GRIN2A: variants seen among roughly 807,000 people sequenced by gnomAD.
GRIN2A encodes glutamate ionotropic receptor NMDA type subunit 2A.
A neutral mutation model predicts 113.4 loss-of-function variants in GRIN2A; 22 were observed. The observed-to-expected ratio is 0.19, with a 90% CI of 0.14 to 0.28. GRIN2A has a LOEUF of 0.28. Ranked by LOEUF, GRIN2A falls within the 10% of genes least tolerant of loss-of-function variation. The pLI is 1.00. For missense variants in GRIN2A, 1,502 were observed against 1,887.0 expected (o/e 0.80, Z 3.78); for synonymous variants, 827 against 738.4 (o/e 1.12, Z -1.94).
intron 10 of GRIN2A, among the ~76,000 whole-genome samples, chr16:9,806,811 C>A (rs559753303): frequency 6.6e-6 from 1 of 151,802 alleles, no homozygotes; most frequent in Admixed American, 6.6e-5. Flanking sequence ...AAGAAGGTAA[C>A]GGGGAAGGAG....
chr16:9,988,688 T>G (rs1020571206), intron 2 of GRIN2A, among the ~76,000 whole-genome samples: 6 of 152,192 alleles, frequency 3.9e-5, no homozygotes, highest in African/African-American at 1.4e-4. Context: ...AAGCCATTAT[T>G]ATCTCCATTA....
At position 10,058,059 on chromosome 16, in the gene GRIN2A, A is replaced by T. The variant is rs143663883; in HGVS notation, c.415-119508T>A. On this transcript the variant is annotated intron_variant, in intron 2 of 12. Coordinates refer to ENST00000330684, the MANE Select transcript of GRIN2A (RefSeq NM_001134407.3). ...CACTCGAGGTCAGGAGTTTGAGACA[A>T]GCCTGACCAACGTGTTGAAACCCTG... is the stretch of plus-strand genomic sequence containing the variant. Among the ~76,000 whole-genome samples, 1,342 of 152,284 alleles carry T rather than the reference A, an allele frequency of 8.8e-3. 25 individuals are homozygous for T. Among genetic ancestry groups the T allele is most frequent in the African/African-American group, 0.031 (1,275 of 41,552 alleles).
At chr16:9,844,919 A>G (rs2042745155) in intron 5 of GRIN2A, among the ~76,000 whole-genome samples, 1 of 152,162 alleles carries the variant, frequency 6.6e-6, no homozygotes, top group African/African-American at 2.4e-5. Flanking sequence ...GTTACCTGGT[A>G]TTCTTAGAAG....
chr16:10,176,142 A>C (rs868753355), intron 2 of GRIN2A, among the ~76,000 whole-genome samples: 7 of 151,044 alleles, frequency 4.6e-5, no homozygotes, highest in African/African-American at 1.7e-4. Context: ...AGTAGCTGGG[A>C]TTACAGGGGC....
rs144476986 is a variant in GRIN2A at position 10,046,833 on chromosome 16, C to T, written c.415-108282G>A. Among the ~76,000 whole-genome samples the T allele has an allele frequency of 1.0e-3, 158 of 152,326 alleles. 2 individuals carry two copies. Among genetic ancestry groups the T allele is most frequent in the African/African-American group, 3.6e-3 (151 of 41,576 alleles). On this transcript the variant is annotated intron_variant, in intron 2 of 12. Coordinates refer to ENST00000330684, the MANE Select transcript of GRIN2A (RefSeq NM_001134407.3). ...CTACCACCCCCTTCAGAGGGTGGCA[C>T]GTCTACATATTCACCACCCAACACT...
At chr16:9,784,468 A>AAAAAAAC (rs779509245) in intron 11 of GRIN2A, among the ~76,000 whole-genome samples, 1 of 149,904 alleles carries the variant, frequency 6.7e-6, no homozygotes, top group African/African-American at 2.5e-5. Context: ...CAAACAAAAA[A>AAAAAAAC]CCTAAAACCA....
At chr16:9,901,708 C>G (rs995712214) in intron 3 of GRIN2A, among the ~76,000 whole-genome samples, 2 of 152,154 alleles carry the variant, frequency 1.3e-5, no homozygotes, top group Non-Finnish European at 2.9e-5. Context: ...GCCTCGGCCT[C>G]CCAAAGTGCT....
chr16:9,835,073 G>A (rs957349089), intron 7 of GRIN2A, among the ~76,000 whole-genome samples: 1 of 152,152 alleles, frequency 6.6e-6, no homozygotes. Context: ...AAAATCATGG[G>A]TGACAGAAAT....
chr16:9,802,592 A>ATAT (rs1177940098), intron 10 of GRIN2A, among the ~76,000 whole-genome samples: 7 of 151,762 alleles, frequency 4.6e-5, no homozygotes, highest in Admixed American at 3.9e-4. Context: ...CAGTAGCAAG[A>ATAT]TATTATTATT....
At chr16:9,854,983 C>T (rs1313592035) in intron 4 of GRIN2A, among the ~76,000 whole-genome samples, 1 of 140,158 alleles carries the variant, frequency 7.1e-6, no homozygotes, top group South Asian at 2.4e-4. Context: ...CCAGGACAGG[C>T]AAGCACGCTT....
chr16:9,960,778 C>T (rs1373483930), intron 2 of GRIN2A, among the ~76,000 whole-genome samples: 1 of 152,166 alleles, frequency 6.6e-6, no homozygotes, highest in Admixed American at 6.5e-5. Context: ...GTGTGTTCCA[C>T]CACACCTGGA....
intron 2 of GRIN2A, among the ~76,000 whole-genome samples, chr16:10,007,736 A>G (rs2046430308): frequency 6.6e-6 from 1 of 152,178 alleles, no homozygotes; most frequent in Non-Finnish European, 1.5e-5. Flanking sequence ...ATAGAAAAGC[A>G]AATGGCCTTT....
chr16:9,898,279 G>A (rs1268745716), intron 3 of GRIN2A, among the ~76,000 whole-genome samples: 1 of 151,966 alleles, frequency 6.6e-6, no homozygotes, highest in African/African-American at 2.4e-5. Context: ...TACTACAAAT[G>A]CAATGCTTTT....
Position 10,006,820 on chromosome 16 carries a change from T to C in GRIN2A, c.415-68269A>G, listed in dbSNP as rs374504182. On this transcript the variant is annotated intron_variant, in intron 2 of 12. Coordinates refer to ENST00000330684, the MANE Select transcript of GRIN2A (RefSeq NM_001134407.3). The stretch of plus-strand genomic sequence containing the variant: ...TCCCAGACTCTAGTAACCATCCTTC[T>C]ACTCTCTTCTGTGTTCAATTGTTTT... Among the ~76,000 whole-genome samples the C allele has an allele frequency of 2.6e-5, 4 of 152,306 alleles. No individual in the cohort carries two copies. The South Asian group carries it at 6.2e-4, about 24-fold the overall frequency.
At chr16:10,089,655 C>G (rs1460154929) in intron 2 of GRIN2A, among the ~76,000 whole-genome samples, 1 of 152,042 alleles carries the variant, frequency 6.6e-6, no homozygotes, top group Non-Finnish European at 1.5e-5. Flanking sequence ...GTAGGAAGGT[C>G]CTCTCAATAT....
intron 4 of GRIN2A, among the ~76,000 whole-genome samples, chr16:9,864,633 C>T (rs1174153364): frequency 2.0e-4 from 30 of 152,134 alleles, no homozygotes; most frequent in Admixed American, 2.0e-3. Flanking sequence ...AAGCCAATTC[C>T]ATTTGGATCT....
intron 11 of GRIN2A, among the ~76,000 whole-genome samples, chr16:9,771,973 G>A (rs1376878567): frequency 6.6e-6 from 1 of 151,976 alleles, no homozygotes; most frequent in Non-Finnish European, 1.5e-5. Context: ...TACAGACTAA[G>A]TGACTCATTA....
chr16:9,955,033 G>A (rs564366714), intron 2 of GRIN2A, among the ~76,000 whole-genome samples: 1 of 152,284 alleles, frequency 6.6e-6, no homozygotes, highest in East Asian at 1.9e-4. Context: ...TGAAGTTGGG[G>A]ATGAGTTTGG....
chr16:10,094,379 T>C (rs2048243899), intron 2 of GRIN2A, among the ~76,000 whole-genome samples: 1 of 152,160 alleles, frequency 6.6e-6, no homozygotes, highest in African/African-American at 2.4e-5. Context: ...CTATAGAATG[T>C]GGGTATACAT....
Sources: gnomAD v4.1 joint callset for allele counts (sites outside exome capture counted in the v4.1 genomes callset) on GRCh38, gnomAD v4.1.1 for gene constraint, MANE v1.5 for transcripts, NCBI Gene and HGNC (gene_info 2026-07-23, HGNC 2026-07-21) for gene names.